Variants in ACAP2 observed in about 807,000 individuals in gnomAD.
ACAP2 encodes ArfGAP with coiled-coil, ankyrin repeat and PH domains 2, also known as arf-GAP with coiled-coil, ANK repeat and PH domain-containing protein 2.
In ACAP2, 39 loss-of-function variants were observed where a neutral mutation model predicts 115.8. The observed-to-expected ratio is 0.34, with a 90% confidence interval of 0.26 to 0.44. The LOEUF is 0.44. ACAP2 is among the 20% of genes least tolerant of loss of function. The pLI, the probability that ACAP2 is intolerant of heterozygous loss-of-function variation, is 1.00. For synonymous variants in ACAP2, 289 were observed against 315.8 expected (o/e 0.92, Z 0.90); for missense variants, 662 against 927.6 (o/e 0.71, Z 3.72).
At chr3:195,304,678 G>A (rs1290618827) in intron 13 of ACAP2, among the ~76,000 whole-genome samples, 1 of 152,208 alleles carries the variant, frequency 6.6e-6, no homozygotes, top group Non-Finnish European at 1.5e-5. Context: ...AAGATACCCA[G>A]TGCTTAGCTC....
rs920215515 is a variant in ACAP2 at position 195,291,618 on chromosome 3, G to A, written c.2063+88C>T. 39 of 1,032,006 alleles carry A rather than the reference G, an allele frequency of 3.8e-5. No homozygotes were observed. In the South Asian group the frequency reaches 4.8e-4, roughly 13 times the overall value. The allele number at this position is 1,032,006 out of a possible 1,614,324, so 63.9% of individuals were successfully genotyped here. A position where few individuals can be genotyped will look rare whatever the true frequency, so the allele number is the denominator to read the frequency against. On this transcript the variant is annotated intron_variant, in intron 20 of 22. Transcript: ENST00000326793. ...ACACATCTCTTTACAAACACTACCTGAAAACTTTAACCTAAGAAAAACTAA... is the reference window on the plus strand; with the variant it reads ...ACACATCTCTTTACAAACACTACCTAAAAACTTTAACCTAAGAAAAACTAA...
intron 15 of ACAP2, among the ~76,000 whole-genome samples, chr3:195,301,180 G>A (rs945848066): frequency 1.3e-5 from 2 of 151,900 alleles, no homozygotes; most frequent in African/African-American, 4.8e-5. Flanking sequence ...CTGCCTCCCG[G>A]GTTCACGCCA....
intron 1 of ACAP2, among the ~76,000 whole-genome samples, chr3:195,403,364 G>A (rs1298584938): frequency 6.6e-6 from 1 of 152,188 alleles, no homozygotes; most frequent in Non-Finnish European, 1.5e-5. Flanking sequence ...CCACTGAAAG[G>A]TCTGCACCAG....
rs754519501 is a variant in ACAP2, at chr3:195,382,036, A to C, written c.112-14T>G. On this transcript the variant is annotated splice_polypyrimidine_tract_variant and intron_variant, in intron 2 of 22. Coordinates refer to ENST00000326793, the MANE Select transcript of ACAP2 (RefSeq NM_012287.6). ...AAGTTTCACAAGCTGAAAAAGAAAAAAAAAATTCATCAGGTTGAAGATAGT... is the reference window on the plus strand; with the variant it reads ...AAGTTTCACAAGCTGAAAAAGAAAACAAAAATTCATCAGGTTGAAGATAGT... 1 of 1,601,298 alleles carries C rather than the reference A, an allele frequency of 6.2e-7. No individual in the cohort carries two copies. Among genetic ancestry groups the C allele is most frequent in the Admixed American group, 1.8e-5 (1 of 55,924 alleles).
At chr3:195,362,703 A>G (rs918025838) in intron 4 of ACAP2, among the ~76,000 whole-genome samples, 1 of 152,240 alleles carries the variant, frequency 6.6e-6, no homozygotes, top group African/African-American at 2.4e-5. Context: ...ACATAAAATT[A>G]AAGACAAAAA....
At chr3:195,434,019 C>G (rs1715340261) in intron 1 of ACAP2, among the ~76,000 whole-genome samples, 1 of 152,022 alleles carries the variant, frequency 6.6e-6, no homozygotes, top group East Asian at 1.9e-4. Flanking sequence ...GCCTCAACTA[C>G]CCAGGCTCAA....
intron 1 of ACAP2, among the ~76,000 whole-genome samples, chr3:195,428,177 G>GTA (rs965645015): frequency 2.0e-5 from 3 of 151,112 alleles, no homozygotes; most frequent in African/African-American, 7.3e-5. Flanking sequence ...GAATGTGACT[G>GTA]TATATATATA....
chr3:195,405,051 CA>C (rs993667031), intron 1 of ACAP2, among the ~76,000 whole-genome samples: 14 of 152,006 alleles, frequency 9.2e-5, no homozygotes, highest in African/African-American at 2.7e-4. Context: ...CCGCCCGCCC[CA>C]GCCTCCCAAA....
chr3:195,287,799 C>G (rs186487850), intron 21 of ACAP2, among the ~76,000 whole-genome samples: 1 of 152,164 alleles, frequency 6.6e-6, no homozygotes, highest in East Asian at 1.9e-4. Context: ...TAGTACTATA[C>G]AAAGAGATAA....
intron 1 of ACAP2, among the ~76,000 whole-genome samples, chr3:195,394,753 T>C (rs1309387453): frequency 6.6e-6 from 1 of 152,134 alleles, no homozygotes; most frequent in Non-Finnish European, 1.5e-5. Context: ...AAATGTTAGC[T>C]AGGCACATAG....
At position 195,320,691 on chromosome 3, in the gene ACAP2, A is replaced by AAT. The variant is rs752231916; in HGVS notation, c.857+8_857+9dup. On this transcript the variant is annotated intron_variant, in intron 10 of 22. Coordinates refer to ENST00000326793, the MANE Select transcript of ACAP2 (RefSeq NM_012287.6). Reference sequence around the variant, plus strand: ...TGTATAGATCAAGACTAGTATTTGAAATATATTACCTGTTCCAAGTTTTGA... The same window carrying AAT: ...TGTATAGATCAAGACTAGTATTTGAAATATATATTACCTGTTCCAAGTTTTGA... 6.9e-6 allele frequency: 11 copies of AAT among 1,592,202 alleles called. No homozygotes were observed. Among genetic ancestry groups the AAT allele is most frequent in the Non-Finnish European group, 4.3e-6 (5 of 1,160,542 alleles).
At chr3:195,334,832 T>C (rs1433193533) in intron 7 of ACAP2, among the ~76,000 whole-genome samples, 1 of 152,190 alleles carries the variant, frequency 6.6e-6, no homozygotes, top group Non-Finnish European at 1.5e-5. Context: ...ATCTCTTGTT[T>C]ATAAATAAAT....
intron 4 of ACAP2, among the ~76,000 whole-genome samples, chr3:195,377,478 A>C (rs888543013): frequency 2.6e-5 from 4 of 152,130 alleles, no homozygotes; most frequent in African/African-American, 7.2e-5. Context: ...AGAGAAATTA[A>C]ATGACTTCCC....
chr3:195,400,742 A>T (rs1165201810), intron 1 of ACAP2, among the ~76,000 whole-genome samples: 1 of 152,236 alleles, frequency 6.6e-6, no homozygotes, highest in African/African-American at 2.4e-5. Flanking sequence ...GATTCATAAA[A>T]GGGGCAGAGG....
intron 1 of ACAP2, among the ~76,000 whole-genome samples, chr3:195,394,020 T>C (rs1391069234): frequency 6.6e-6 from 1 of 152,158 alleles, no homozygotes; most frequent in African/African-American, 2.4e-5. Flanking sequence ...ATTTGCGCTT[T>C]TTACTAAATT....
chr3:195,299,881 A>C (rs982466653), intron 15 of ACAP2, among the ~76,000 whole-genome samples: 1 of 152,172 alleles, frequency 6.6e-6, no homozygotes, highest in African/African-American at 2.4e-5. Flanking sequence ...AGTTAGGCAC[A>C]CATTTTCTAC....
At chr3:195,394,598 T>C (rs1744312913) in intron 1 of ACAP2, among the ~76,000 whole-genome samples, 1 of 152,206 alleles carries the variant, frequency 6.6e-6, no homozygotes, top group South Asian at 2.1e-4. Flanking sequence ...GGCAGATCAC[T>C]TGAGGCCAGG....
chr3:195,301,111 G>A (rs1577259842), intron 15 of ACAP2, among the ~76,000 whole-genome samples: 1 of 150,396 alleles, frequency 6.6e-6, no homozygotes, highest in Non-Finnish European at 1.5e-5. Context: ...TTTTTGAGAC[G>A]GAGTCTCTCT....
At chr3:195,286,003 C>A in intron 21 of ACAP2, 146 bp from the exon 22 acceptor site, 1 of 602,300 alleles carries the variant, frequency 1.7e-6, no homozygotes, top group Non-Finnish European at 2.8e-6. Context: ...TCAAACCCAG[C>A]AATCTGAGGT....
Sources: gnomAD v4.1 joint callset for allele counts (sites outside exome capture counted in the v4.1 genomes callset) on GRCh38, gnomAD v4.1.1 for gene constraint, MANE v1.5 for transcripts, NCBI Gene and HGNC (gene_info 2026-07-23, HGNC 2026-07-21) for gene names.